Variants in TRAF3 observed in about 807,000 individuals in gnomAD.
TRAF3 encodes TNF receptor associated factor 3.
A neutral mutation model predicts 62.3 loss-of-function variants in TRAF3; 13 were observed. That is an observed-to-expected ratio of 0.21 (90% CI 0.14 to 0.33). The LOEUF (loss-of-function observed/expected upper bound fraction) is 0.33. Among genes scored for constraint, TRAF3 ranks in the 10% least tolerant of loss-of-function variants. The pLI, the probability that TRAF3 is intolerant of heterozygous loss-of-function variation, is 1.00. For missense variants in TRAF3, 440 were observed against 741.8 expected, an observed-to-expected ratio of 0.59 and a Z score of 4.73; for synonymous variants, 269 against 283.4, an observed-to-expected ratio of 0.95 and a Z score of 0.51.
intron 6 of TRAF3, among the ~76,000 whole-genome samples, chr14:102,884,771 C>T (rs962720241): frequency 3.3e-5 from 5 of 151,356 alleles, no homozygotes; most frequent in Admixed American, 3.3e-4. Context: ...AAGATTGCAC[C>T]ACTGCACTTC....
rs1438764982 is a variant in TRAF3, at chr14:102,910,781, C to T, written c.*4997C>T. 3 of 152,246 alleles carry T rather than the reference C, an allele frequency of 2.0e-5. No individual in the cohort carries two copies. Among genetic ancestry groups the T allele is most frequent in the Non-Finnish European group, 2.9e-5 (2 of 68,048 alleles). 9.4% of individuals were successfully genotyped at this position (152,246 alleles called of 1,614,324 possible). ...TCTAGTCTGTCTTGTGAACTCTCAC[C>T]GTGAAAAGAGGCTAGAAGTCCAGGA... On this transcript the variant is annotated 3_prime_UTR_variant, in exon 12 of 12. Coordinates refer to ENST00000392745, the MANE Select transcript of TRAF3 (RefSeq NM_145725.3).
At chr14:102,897,123 G>T (rs1741026468) in intron 9 of TRAF3, 138 bp from the exon 10 acceptor site, 1 of 791,790 alleles carries the variant, frequency 1.3e-6, no homozygotes, top group African/African-American at 1.8e-5. Flanking sequence ...GTCATTTTCT[G>T]TGTGAAGGGA....
chr14:102,832,803 C>T (rs1357170996), intron 2 of TRAF3, among the ~76,000 whole-genome samples: 1 of 152,090 alleles, frequency 6.6e-6, no homozygotes, highest in Non-Finnish European at 1.5e-5. Context: ...AAGTTTGGTA[C>T]CCTAGAATTA....
At chr14:102,808,112 G>C (rs897577150) in intron 1 of TRAF3, among the ~76,000 whole-genome samples, 2 of 152,174 alleles carry the variant, frequency 1.3e-5, no homozygotes, top group Non-Finnish European at 1.5e-5. Flanking sequence ...TGGATGGACA[G>C]GAAGTGGGAG....
At position 102,802,777 on chromosome 14, in the gene TRAF3, G is replaced by A. The variant is rs193068176; in HGVS notation, c.-157+25102G>A. Among the ~76,000 whole-genome samples the A allele has an allele frequency of 7.6e-3, 1,153 of 152,144 alleles. 19 individuals carry two copies. The highest frequency in any genetic ancestry group is 0.026 in the African/African-American group (1,096 of 41,528). The stretch of plus-strand genomic sequence containing the variant: ...TGGGAGGCGGAAGTTTCAGTGAGCC[G>A]AGATCGTGCCACTGCACTCTAGCCT... On this transcript the variant is annotated intron_variant, in intron 1 of 11. Coordinates refer to ENST00000392745, the MANE Select transcript of TRAF3 (RefSeq NM_145725.3).
At chr14:102,802,783 G>A (rs965557626) in intron 1 of TRAF3, among the ~76,000 whole-genome samples, 13 of 152,022 alleles carry the variant, frequency 8.6e-5, no homozygotes, top group African/African-American at 2.7e-4. Context: ...AGCCGAGATC[G>A]TGCCACTGCA....
At chr14:102,856,139 G>A (rs1887356609) in intron 2 of TRAF3, among the ~76,000 whole-genome samples, 1 of 151,766 alleles carries the variant, frequency 6.6e-6, no homozygotes, top group South Asian at 2.1e-4. Flanking sequence ...CATCCCAGTG[G>A]GTGTGAAGTG....
Position 102,839,210 on chromosome 14 carries a change from C to CCTTTTTTTTTTTTTTTTTTTT in TRAF3, c.-18+8738_-18+8739insCTTTTTTTTTTTTTTTTTTTT, listed in dbSNP as rs1310697452. 3.3e-5 allele frequency among the ~76,000 whole-genome samples: 3 copies of CCTTTTTTTTTTTTTTTTTTTT among 89,836 alleles called. 1 individual carries two copies. The highest frequency in any genetic ancestry group is 2.4e-4 in the Admixed American group (2 of 8,200). 58.9% of individuals were successfully genotyped at this position (89,836 alleles called of 152,430 possible). Reference sequence around the variant, plus strand: ...GAGAGATGCTTATTGGTTGATTTGCCTTTTTTTTTTTTTTTTTTTTTTTTT... The same window carrying CCTTTTTTTTTTTTTTTTTTTT: ...GAGAGATGCTTATTGGTTGATTTGCCCTTTTTTTTTTTTTTTTTTTTTTTTTTTTTTTTTTTTTTTTTTTTT... On this transcript the variant is annotated intron_variant, in intron 2 of 11. Transcript: ENST00000392745.
intron 6 of TRAF3, among the ~76,000 whole-genome samples, chr14:102,885,166 C>T (rs1179163194): frequency 6.6e-6 from 1 of 152,206 alleles, no homozygotes; most frequent in Non-Finnish European, 1.5e-5. Context: ...AAAGCAAGCT[C>T]CTGGGGGAGA....
Position 102,891,149 on chromosome 14 carries a change from A to G in TRAF3, c.727-176A>G, listed in dbSNP as rs184618433. ...CCTGGCGGCCTCCTCACCTGCACGC[A>G]GTAGCCAGGTGGCCCTGAGCACAGC... is the stretch of plus-strand genomic sequence containing the variant. On this transcript the variant is annotated intron_variant, in intron 8 of 11. Transcript: ENST00000392745. Among the ~76,000 whole-genome samples, 872 of 152,348 alleles carry G rather than the reference A, an allele frequency of 5.7e-3. 9 individuals are homozygous for G. Among genetic ancestry groups the G allele is most frequent in the Admixed American group, 1.0e-2 (153 of 15,310 alleles).
At chr14:102,812,612 T>C (rs1005321876) in intron 1 of TRAF3, among the ~76,000 whole-genome samples, 1 of 152,170 alleles carries the variant, frequency 6.6e-6, no homozygotes, top group African/African-American at 2.4e-5. Flanking sequence ...TTCCTACCAA[T>C]AGTGTGTAAG....
intron 6 of TRAF3, 68 bp downstream of exon 6, chr14:102,876,593 C>G (rs968255928): frequency 1.3e-6 from 2 of 1,574,640 alleles, no homozygotes; most frequent in Non-Finnish European, 1.7e-6. Flanking sequence ...AGGCCTTCCG[C>G]TCAATTCGTA....
chr14:102,784,215 CTTTTTTTTTTTTT>C (rs76663820), intron 1 of TRAF3, among the ~76,000 whole-genome samples: 6 of 117,644 alleles, frequency 5.1e-5, no homozygotes, highest in African/African-American at 2.1e-4. Context: ...GATGCTTGGC[CTTTTTTTTTTTTT>C]TTTTTTTTTT....
At chr14:102,817,032 C>G (rs1404405603) in intron 1 of TRAF3, among the ~76,000 whole-genome samples, 1 of 152,032 alleles carries the variant, frequency 6.6e-6, no homozygotes, top group Non-Finnish European at 1.5e-5. Context: ...TTGGATGGTG[C>G]CATTTCCTGA....
chr14:102,846,761 A>G (rs1452918114), intron 2 of TRAF3, among the ~76,000 whole-genome samples: 1 of 151,608 alleles, frequency 6.6e-6, no homozygotes, highest in African/African-American at 2.4e-5. Context: ...GGCTGCCGTG[A>G]GTTGTGGTTG....
chr14:102,870,265 C>T lies in TRAF3; in HGVS notation c.64C>T (p.His22Tyr). ...ALQTNPPLKLHTDRSAGTPVF... is the reference protein window; with the variant it reads ...ALQTNPPLKLYTDRSAGTPVF... ...GCAGACTAACCCGCCGCTAAAGCTG[C>T]ACACTGACCGCAGTGCTGGGACGCC... The change falls in exon 3 of 12, where the codon CAC (histidine) becomes TAC (tyrosine). Residue 22 changes from histidine to tyrosine, a missense_variant. Coordinates refer to ENST00000392745, the MANE Select transcript of TRAF3 (RefSeq NM_145725.3). 1 of 1,614,228 alleles carries T rather than the reference C, an allele frequency of 6.2e-7. No individual in the cohort carries two copies. The highest frequency in any genetic ancestry group is 8.5e-7 in the Non-Finnish European group (1 of 1,180,040).
intron 2 of TRAF3, among the ~76,000 whole-genome samples, chr14:102,851,828 C>T (rs1273513639): frequency 1.3e-5 from 2 of 151,992 alleles, no homozygotes; most frequent in African/African-American, 4.8e-5. Context: ...CCCAGGAGTT[C>T]GAGACCAGTC....
At chr14:102,791,010 C>G (rs970740417) in intron 1 of TRAF3, among the ~76,000 whole-genome samples, 2 of 146,538 alleles carry the variant, frequency 1.4e-5, no homozygotes, top group Non-Finnish European at 3.0e-5. Flanking sequence ...CGTGAGATGT[C>G]TTTTCTTTTC....
rs1890468056 is a variant in TRAF3 at position 102,904,358 on chromosome 14, A to ACCC, written c.1136-854_1136-853insCCC. ...TTTGCTGGTGTTACCCCCAGAAACCACAGTGATTTTTATATTGTTGCTTCA... is the reference window on the plus strand; with the variant it reads ...TTTGCTGGTGTTACCCCCAGAAACCACCCCAGTGATTTTTATATTGTTGCTTCA... On this transcript the variant is annotated intron_variant, in intron 11 of 11. Transcript: ENST00000392745. 2.0e-5 allele frequency among the ~76,000 whole-genome samples: 3 copies of ACCC among 152,200 alleles called. No individual in the cohort carries two copies. In the South Asian group the frequency reaches 6.2e-4, roughly 32 times the overall value.
Sources: gnomAD v4.1 joint callset for allele counts (sites outside exome capture counted in the v4.1 genomes callset) on GRCh38, gnomAD v4.1.1 for gene constraint, MANE v1.5 for transcripts, NCBI Gene and HGNC (gene_info 2026-07-23, HGNC 2026-07-21) for gene names.